Variants in DSCAM observed in about 807,000 individuals in gnomAD.
DSCAM encodes DS cell adhesion molecule, also known as cell adhesion molecule DSCAM.
DSCAM carries 47 observed loss-of-function variants against 217.7 expected under a neutral mutation model. That is an observed-to-expected ratio of 0.22 (90% CI 0.17 to 0.28). DSCAM has a LOEUF of 0.28. DSCAM is among the 10% of genes least tolerant of loss of function. The pLI is 1.00. For synonymous variants in DSCAM, 1,056 were observed against 1,015.3 expected (o/e 1.04, Z -0.76); for missense variants, 2,080 against 2,618.3 (o/e 0.79, Z 4.49).
intron 3 of DSCAM, among the ~76,000 whole-genome samples, chr21:40,662,116 C>T (rs955128266): frequency 1.0e-4 from 6 of 57,964 alleles, no homozygotes; most frequent in South Asian, 8.0e-4. Flanking sequence ...AAGCACATTA[C>T]GTTGTTAAAA....
chr21:40,322,194 C>G (rs1235728513), intron 8 of DSCAM, among the ~76,000 whole-genome samples: 1 of 152,124 alleles, frequency 6.6e-6, no homozygotes, highest in Non-Finnish European at 1.5e-5. Context: ...TTCTGCTGCC[C>G]CTCGCCCAGG....
chr21:40,186,247 G>C (rs2090893360), intron 14 of DSCAM, among the ~76,000 whole-genome samples: 1 of 152,114 alleles, frequency 6.6e-6, no homozygotes, highest in Non-Finnish European at 1.5e-5. Context: ...CCTTGAGCTT[G>C]ATTTTTTACT....
At chr21:40,638,398 T>C (rs1439456686) in intron 3 of DSCAM, among the ~76,000 whole-genome samples, 1 of 151,870 alleles carries the variant, frequency 6.6e-6, no homozygotes. Flanking sequence ...CTATCAAAAA[T>C]GAATTTATGC....
intron 30 of DSCAM, 142 bp downstream of exon 30, chr21:40,051,816 C>T: frequency 9.9e-7 from 1 of 1,009,418 alleles, no homozygotes; most frequent in Non-Finnish European, 1.4e-6. Context: ...GCTCATTATC[C>T]CAATTAGGGA....
chr21:40,737,361 C>T (rs1029602035), intron 1 of DSCAM, among the ~76,000 whole-genome samples: 1 of 152,118 alleles, frequency 6.6e-6, no homozygotes, highest in South Asian at 2.1e-4. Context: ...AGCAACCGGC[C>T]GGACAGTGGC....
At chr21:40,111,254 C>A (rs1232822822) in intron 20 of DSCAM, among the ~76,000 whole-genome samples, 2 of 152,026 alleles carry the variant, frequency 1.3e-5, no homozygotes, top group African/African-American at 4.8e-5. Flanking sequence ...GAGTGGGGGC[C>A]AATATTCAAC....
intron 1 of DSCAM, among the ~76,000 whole-genome samples, chr21:40,736,888 CAAG>C (rs1380248607): frequency 1.3e-5 from 2 of 151,994 alleles, no homozygotes; most frequent in African/African-American, 4.8e-5. Context: ...AACTACTCCA[CAAG>C]AAGAAGATAG....
chr21:40,818,064 CCGCAG>C (rs1481648915), intron 1 of DSCAM, among the ~76,000 whole-genome samples: 102 of 126,974 alleles, frequency 8.0e-4, no homozygotes, highest in Non-Finnish European at 1.3e-3. Flanking sequence ...CCACTGCAGT[CCGCAG>C]TCCGGCCTGG....
chr21:40,406,005 C>A, intron 3 of DSCAM, among the ~76,000 whole-genome samples: 1 of 152,052 alleles, frequency 6.6e-6, no homozygotes, highest in East Asian at 1.9e-4. Flanking sequence ...TCAACAACAA[C>A]AAAGAAAGAT....
intron 8 of DSCAM, among the ~76,000 whole-genome samples, chr21:40,316,128 A>G (rs928215881): frequency 6.6e-6 from 1 of 152,228 alleles, no homozygotes; most frequent in Non-Finnish European, 1.5e-5. Flanking sequence ...TATCTACCAA[A>G]AAAAAGCCTT....
chr21:40,067,607 A>G (rs2089226233), intron 27 of DSCAM, among the ~76,000 whole-genome samples: 2 of 152,184 alleles, frequency 1.3e-5, no homozygotes, highest in African/African-American at 4.8e-5. Context: ...CCACCTCCAC[A>G]TAATGGCTAA....
chr21:40,480,475 T>C (rs1381102876), intron 3 of DSCAM, among the ~76,000 whole-genome samples: 1 of 152,206 alleles, frequency 6.6e-6, no homozygotes, highest in Admixed American at 6.5e-5. Context: ...CATAACACAT[T>C]GAAGCTATAT....
At chr21:40,735,229 A>T (rs1040175460) in intron 1 of DSCAM, among the ~76,000 whole-genome samples, 2 of 152,248 alleles carry the variant, frequency 1.3e-5, no homozygotes, top group Non-Finnish European at 1.5e-5. Flanking sequence ...TCTAACACCT[A>T]GTACGGCACT....
intron 3 of DSCAM, among the ~76,000 whole-genome samples, chr21:40,377,464 A>C (rs369880538): frequency 9.2e-5 from 14 of 151,934 alleles, no homozygotes; most frequent in East Asian, 5.8e-4. Flanking sequence ...TGGGGTGAGG[A>C]GAAGAAGATG....
intron 1 of DSCAM, among the ~76,000 whole-genome samples, chr21:40,829,219 T>A (rs59079095): frequency 0.16 from 24,048 of 152,194 alleles, 1,900 homozygotes; most frequent in East Asian, 0.23. Flanking sequence ...GAGCAGGGAA[T>A]AGTCCAAGTA....
chr21:40,092,664 T>C (rs2089626631), intron 21 of DSCAM, among the ~76,000 whole-genome samples: 1 of 152,208 alleles, frequency 6.6e-6, no homozygotes. Flanking sequence ...TTTTTTTGTT[T>C]GTTTGTTTTT....
chr21:40,788,410 C>G (rs112807643), intron 1 of DSCAM, among the ~76,000 whole-genome samples: 13 of 152,216 alleles, frequency 8.5e-5, no homozygotes, highest in African/African-American at 3.1e-4. Flanking sequence ...AGAAAAATAA[C>G]TTTTGTTTTA....
At chr21:40,709,514 GGT>G (rs2090754515) in intron 1 of DSCAM, among the ~76,000 whole-genome samples, 2 of 151,746 alleles carry the variant, frequency 1.3e-5, no homozygotes, top group African/African-American at 4.8e-5. Context: ...AACAGGCCCC[GGT>G]GTGTGATGTT....
At chr21:40,461,578 GTCCCAAT>G (rs2075806212) in intron 3 of DSCAM, among the ~76,000 whole-genome samples, 1 of 152,030 alleles carries the variant, frequency 6.6e-6, no homozygotes, top group Non-Finnish European at 1.5e-5. Context: ...GTAGAATAAT[GTCCCAAT>G]CCCCCCACAA....
Sources: allele counts gnomAD v4.1 joint callset (sites outside exome capture counted in the v4.1 genomes callset), GRCh38; gene constraint gnomAD v4.1.1; transcripts MANE v1.5; gene names NCBI Gene and HGNC (gene_info 2026-07-23, HGNC 2026-07-21).